The following SHISA6 variants were observed in gnomAD, a reference collection of about 807,000 sequenced individuals.
SHISA6 encodes protein shisa-6.
Under a neutral mutation model 47.9 loss-of-function variants are expected in SHISA6, and 22 were observed. The ratio of observed to expected loss-of-function variants is 0.46; its 90% CI spans 0.33 to 0.66. SHISA6 has a LOEUF of 0.66. Ranked by LOEUF, SHISA6 falls within the 30% of genes least tolerant of loss-of-function variation. The pLI, the probability that SHISA6 is intolerant of heterozygous loss-of-function variation, is 0.02. For synonymous variants in SHISA6, 388 were observed against 337.8 expected, an observed-to-expected ratio of 1.15 and a Z score of -1.63; for missense variants, 680 against 764.6, an observed-to-expected ratio of 0.89 and a Z score of 1.30.
chr17:11,285,913 T>C (rs1261849101), intron 2 of SHISA6, among the ~76,000 whole-genome samples: 1 of 151,406 alleles, frequency 6.6e-6, no homozygotes, highest in Non-Finnish European at 1.5e-5. Flanking sequence ...CTTGGCTCAC[T>C]GCAACGTCAG....
At chr17:11,312,444 T>A (rs1427638349) in intron 2 of SHISA6, among the ~76,000 whole-genome samples, 1 of 152,232 alleles carries the variant, frequency 6.6e-6, no homozygotes, top group Non-Finnish European at 1.5e-5. Context: ...TACTTAAGAT[T>A]GTATTTTTCT....
chr17:11,558,459 C>T lies in SHISA6; in HGVS notation c.*155C>T, dbSNP rs540997320. On this transcript the variant is annotated 3_prime_UTR_variant, in exon 6 of 6. Transcript: ENST00000441885. ...ACCTTTGCCCAAAAAGCCATACCCC[C>T]GGGGACACAGCCCCGATGGCCTGGT... The T allele has an allele frequency of 1.7e-5, 14 of 800,818 alleles. No homozygotes were observed. Among genetic ancestry groups the T allele is most frequent in the Admixed American group, 1.1e-4 (4 of 35,800 alleles). The allele number at this position is 800,818 out of a possible 1,614,324, so 49.6% of individuals were successfully genotyped here.
intron 3 of SHISA6, among the ~76,000 whole-genome samples, chr17:11,525,663 A>C (rs1450531578): frequency 7.6e-6 from 1 of 131,486 alleles, no homozygotes; most frequent in Non-Finnish European, 1.6e-5. Flanking sequence ...AAAAAAAAAA[A>C]AACGTGTTAT....
chr17:11,377,999 G>T (rs113699456), intron 2 of SHISA6, among the ~76,000 whole-genome samples: 3 of 152,238 alleles, frequency 2.0e-5, no homozygotes, highest in East Asian at 1.9e-4. Flanking sequence ...TCAACCCGTC[G>T]TCTAGGTTTT....
Position 11,241,292 on chromosome 17 carries a change from C to A in SHISA6, c.-131C>A. 1 of 454,590 alleles carries A rather than the reference C, an allele frequency of 2.2e-6. No homozygotes were observed. The highest frequency in any genetic ancestry group is 2.9e-6 in the Non-Finnish European group (1 of 346,338). The allele number at this position is 454,590 out of a possible 1,614,324, so 28.2% of individuals were successfully genotyped here. A position where few individuals can be genotyped will look rare whatever the true frequency, so the allele number is the denominator to read the frequency against. On this transcript the variant is annotated 5_prime_UTR_variant, in exon 1 of 6. Transcript: ENST00000441885. The surrounding 1 kb of genome is among the most constrained non-coding windows in gnomAD (Gnocchi z 5.5). ...GCCACTGCCGCCCGCGCCTCGATGG[C>A]GCCATCGCCCCGGAGCCGCTGACCG...
chr17:11,299,130 A>G (rs1481679264), intron 2 of SHISA6, among the ~76,000 whole-genome samples: 3 of 152,230 alleles, frequency 2.0e-5, no homozygotes, highest in African/African-American at 7.2e-5. Context: ...GTAATAAAGC[A>G]TTAGGATGGA....
intron 2 of SHISA6, among the ~76,000 whole-genome samples, chr17:11,269,015 A>G (rs115968006): frequency 0.035 from 5,259 of 151,354 alleles, 226 homozygotes; most frequent in African/African-American, 0.1. Context: ...AGGTCCTGGT[A>G]TCCGGTGCCC....
At chr17:11,486,998 CATGT>C (rs1916365898) in intron 3 of SHISA6, among the ~76,000 whole-genome samples, 1 of 152,234 alleles carries the variant, frequency 6.6e-6, no homozygotes, top group African/African-American at 2.4e-5. Flanking sequence ...CCACGTCATT[CATGT>C]ATGTGTTGTC....
intron 3 of SHISA6, among the ~76,000 whole-genome samples, chr17:11,468,542 C>A (rs1352083983): frequency 6.6e-6 from 1 of 152,024 alleles, no homozygotes; most frequent in Non-Finnish European, 1.5e-5. Flanking sequence ...GGCTCTGGTA[C>A]CTGGGGATTA....
intron 2 of SHISA6, among the ~76,000 whole-genome samples, chr17:11,269,297 C>G (rs1908552798): frequency 6.6e-6 from 1 of 152,164 alleles, no homozygotes; most frequent in African/African-American, 2.4e-5. Flanking sequence ...ACCGTGGCCT[C>G]CCAAAGTGCT....
At chr17:11,251,417 A>C (rs9900084) in intron 1 of SHISA6, among the ~76,000 whole-genome samples, 138,065 of 151,324 alleles carry the variant, frequency 0.91, 64,284 homozygotes, top group East Asian at 1. Flanking sequence ...CCCTGATTTT[A>C]ATTGAGAAAA....
chr17:11,411,379 A>T (rs1394536028), intron 3 of SHISA6, among the ~76,000 whole-genome samples: 1 of 151,346 alleles, frequency 6.6e-6, no homozygotes, highest in Non-Finnish European at 1.5e-5. Context: ...TATTTATTTT[A>T]TTGTTTTCCA....
In SHISA6 at chr17:11,521,010, G is replaced by A. The variant is rs879710354; in HGVS notation, c.896-30886G>A. Among the ~76,000 whole-genome samples the A allele has an allele frequency of 2.0e-5, 3 of 152,270 alleles. 1 individual carries two copies. The highest frequency in any genetic ancestry group is 6.5e-5 in the Admixed American group (1 of 15,294). On this transcript the variant is annotated intron_variant, in intron 3 of 5. Transcript: ENST00000441885. ...AGAGTTTTCACCTGGGACAATGGACGCGCAATAAATACTTGCTTGACAGAA... is the reference window on the plus strand; with the variant it reads ...AGAGTTTTCACCTGGGACAATGGACACGCAATAAATACTTGCTTGACAGAA...
intron 2 of SHISA6, among the ~76,000 whole-genome samples, chr17:11,276,140 G>A (rs1908880290): frequency 6.6e-6 from 1 of 151,994 alleles, no homozygotes; most frequent in Non-Finnish European, 1.5e-5. Context: ...ACCATGCCTG[G>A]CTAATTTTTG....
chr17:11,275,881 G>A (rs1242810924), intron 2 of SHISA6, among the ~76,000 whole-genome samples: 6 of 150,826 alleles, frequency 4.0e-5, no homozygotes, highest in Non-Finnish European at 7.4e-5. Flanking sequence ...GATGTCATGG[G>A]AGTTCTTGTA....
intron 3 of SHISA6, among the ~76,000 whole-genome samples, chr17:11,511,940 A>T (rs1029690131): frequency 1.3e-4 from 20 of 152,192 alleles, no homozygotes; most frequent in African/African-American, 3.9e-4. Flanking sequence ...GTGTGGTACA[A>T]AGGGCCTTGG....
intron 3 of SHISA6, among the ~76,000 whole-genome samples, chr17:11,434,675 A>G (rs1227534239): frequency 1.3e-5 from 2 of 152,186 alleles, no homozygotes; most frequent in African/African-American, 2.4e-5. Flanking sequence ...CATAAGACAT[A>G]TAAGTTTTAT....
At chr17:11,482,929 A>G (rs1259078479) in intron 3 of SHISA6, among the ~76,000 whole-genome samples, 3 of 152,232 alleles carry the variant, frequency 2.0e-5, no homozygotes, top group African/African-American at 7.2e-5. Flanking sequence ...ATATAACACT[A>G]TAGAGGAAAA....
rs575013969 is a variant in SHISA6, at chr17:11,515,601, C to T, written c.896-36295C>T. Among the ~76,000 whole-genome samples, 6 of 152,210 alleles carry T rather than the reference C, an allele frequency of 3.9e-5. No homozygotes were observed. The South Asian group carries it at 8.3e-4, about 21-fold the overall frequency. On this transcript the variant is annotated intron_variant, in intron 3 of 5. Coordinates refer to ENST00000441885, the MANE Select transcript of SHISA6 (RefSeq NM_207386.4). ...GGTGACTGGCTCCTGCGTGATCCTA[C>T]GAAGAGCTCTGGGGCACAGAGTGTG...
Sources: gnomAD v4.1 joint callset for allele counts (sites outside exome capture counted in the v4.1 genomes callset) on GRCh38, gnomAD v4.1.1 for gene constraint, Gnocchi (gnomAD v3.1) non-coding constraint, MANE v1.5 for transcripts, NCBI Gene and HGNC (gene_info 2026-07-23, HGNC 2026-07-21) for gene names.